The following MAPT variants were observed in gnomAD, a reference collection of about 807,000 sequenced individuals.
MAPT encodes the protein microtubule associated protein tau, also known as microtubule-associated protein tau.
Under a neutral mutation model 67.9 loss-of-function variants are expected in MAPT, and 34 were observed. That is an observed-to-expected ratio of 0.50 (90% CI 0.38 to 0.67). MAPT has a LOEUF of 0.67. Among genes scored for constraint, MAPT ranks in the 30% least tolerant of loss-of-function variants. The pLI is 0.00. For synonymous variants in MAPT, 456 were observed against 464.5 expected, an observed-to-expected ratio of 0.98 and a Z score of 0.23; for missense variants, 881 against 1,115.2, an observed-to-expected ratio of 0.79 and a Z score of 2.99.
chr17:46,015,432 A>G (rs1399159523), intron 11 of MAPT, among the ~76,000 whole-genome samples: 1 of 151,922 alleles, frequency 6.6e-6, no homozygotes, highest in African/African-American at 2.4e-5. Context: ...GGCCGAGGCG[A>G]GCGGATCACA....
At chr17:45,956,444 GA>G (rs2069662154) in intron 1 of MAPT, among the ~76,000 whole-genome samples, 1 of 151,760 alleles carries the variant, frequency 6.6e-6, no homozygotes, top group African/African-American at 2.4e-5. Flanking sequence ...CATGAATTTG[GA>G]ATATAGGCAA....
rs951075094 is a variant in MAPT, at chr17:45,925,435, A to G, written c.-18+30749A>G. On this transcript the variant is annotated intron_variant, in intron 1 of 12. Transcript: ENST00000262410. ...AGAGTAAAAGTTTGGACAAATTGCC[A>G]GGAAGCAGCTTGTCAGTATGCATAA... Among the ~76,000 whole-genome samples, 5 of 152,256 alleles carry G rather than the reference A, an allele frequency of 3.3e-5. No individual in the cohort carries two copies. In the East Asian group the frequency reaches 9.6e-4, roughly 29 times the overall value.
At chr17:45,932,986 G>A (rs1042229638) in intron 1 of MAPT, among the ~76,000 whole-genome samples, 2 of 152,078 alleles carry the variant, frequency 1.3e-5, no homozygotes, top group Non-Finnish European at 2.9e-5. Flanking sequence ...GGAGGGTGAG[G>A]CAGGAGAATC....
intron 12 of MAPT, 107 bp from the exon 13 acceptor site, chr17:46,023,849 A>G: frequency 1.1e-6 from 1 of 928,876 alleles, no homozygotes; most frequent in Non-Finnish European, 1.7e-6. Context: ...TCAAAAACAA[A>G]CAAAAAACAG....
intron 8 of MAPT, among the ~76,000 whole-genome samples, chr17:45,994,498 C>A (rs973075613): frequency 6.6e-6 from 1 of 152,016 alleles, no homozygotes; most frequent in Admixed American, 6.6e-5. Flanking sequence ...TGTCCTATTG[C>A]CACAGAGCGT....
At chr17:45,941,033 A>G (rs62061733) in intron 1 of MAPT, among the ~76,000 whole-genome samples, 25,383 of 152,070 alleles carry the variant, frequency 0.17, 2,485 homozygotes, top group Middle Eastern at 0.23. Context: ...GAGTTCCTCG[A>G]GTCAATTGCT....
rs1020363407 is a variant in MAPT at position 46,026,144 on chromosome 17, TA to T, written c.*1975del. ...CTTGAAATGCTTGTAAAGAGGTTTCTAACCCACCCTCACGAGGTGTCTCTCA... is the reference window on the plus strand; with the variant it reads ...CTTGAAATGCTTGTAAAGAGGTTTCTACCCACCCTCACGAGGTGTCTCTCA... On this transcript the variant is annotated 3_prime_UTR_variant, in exon 13 of 13. Coordinates refer to ENST00000262410, the MANE Select transcript of MAPT (RefSeq NM_001377265.1). The T allele has an allele frequency of 1.3e-5, 2 of 151,778 alleles. No homozygotes were observed. Among genetic ancestry groups the T allele is most frequent in the Non-Finnish European group, 2.9e-5 (2 of 67,876 alleles). 9.4% of individuals were successfully genotyped at this position (151,778 alleles called of 1,614,324 possible).
chr17:45,983,287 G>C lies in MAPT; in HGVS notation c.708G>C (p.Glu236Asp), dbSNP rs1330018268. 6.3e-7 allele frequency: 1 copy of C among 1,598,892 alleles called. No individual in the cohort carries two copies. The highest frequency in any genetic ancestry group is 1.3e-5 in the African/African-American group (1 of 74,676). ...SGMPGAPLLPEGPREATRQPS... is the reference protein window; with the variant it reads ...SGMPGAPLLPDGPREATRQPS... The stretch of plus-strand genomic sequence containing the variant: ...TGCCTGGGGCTCCCCTCCTGCCTGA[G>C]GGCCCCAGAGAGGCCACACGCCAAC... Residue 236 changes from glutamate to aspartate, a missense_variant, in exon 5 of 13, where the codon GAG (glutamate) becomes GAC (aspartate). By Grantham distance (45) the Glu-to-Asp change is conservative (BLOSUM62 2). This residue lies in a region of MAPT where 687 missense variants were observed against 766.1 expected (regional missense o/e 0.90). Coordinates refer to ENST00000262410, the MANE Select transcript of MAPT (RefSeq NM_001377265.1).
chr17:45,925,917 A>T (rs1377700282), intron 1 of MAPT, among the ~76,000 whole-genome samples: 1 of 152,206 alleles, frequency 6.6e-6, no homozygotes, highest in Non-Finnish European at 1.5e-5. Context: ...TTGGAGCTGA[A>T]AAGTGTTTTT....
intron 1 of MAPT, among the ~76,000 whole-genome samples, chr17:45,948,649 A>T (rs2068743973): frequency 6.6e-6 from 1 of 152,180 alleles, no homozygotes; most frequent in African/African-American, 2.4e-5. Context: ...TGGCTCCATT[A>T]CATACTTCCT....
chr17:45,915,843 C>T lies in MAPT; in HGVS notation c.-18+21157C>T, dbSNP rs1255222266. On this transcript the variant is annotated intron_variant, in intron 1 of 12. Coordinates refer to ENST00000262410, the MANE Select transcript of MAPT (RefSeq NM_001377265.1). This position sits in a 1 kb window ranked among gnomAD's most constrained non-coding sequence, Gnocchi z 4.4. ...GACATGTTCCCTGAGGTGAGGCTGA[C>T]TGATGTCATTTGACGATCTTGATGC... is the stretch of plus-strand genomic sequence containing the variant. Among the ~76,000 whole-genome samples the T allele has an allele frequency of 6.6e-6, 1 of 152,206 alleles. No homozygotes were observed. The highest frequency in any genetic ancestry group is 1.5e-5 in the Non-Finnish European group (1 of 68,040).
At chr17:46,011,852 T>C (rs1234273559) in intron 10 of MAPT, among the ~76,000 whole-genome samples, 2 of 152,212 alleles carry the variant, frequency 1.3e-5, no homozygotes, top group East Asian at 3.8e-4. Context: ...GGATCCCGGC[T>C]TCTGCCCTGA....
intron 1 of MAPT, chr17:45,907,623 C>G (rs943039033): frequency 3.9e-5 from 6 of 152,220 alleles, no homozygotes; most frequent in African/African-American, 1.4e-4. Context: ...TTCTCCACCT[C>G]CTAGCACTCA....
chr17:45,928,040 C>T (rs2066518618), intron 1 of MAPT, among the ~76,000 whole-genome samples: 1 of 143,448 alleles, frequency 7.0e-6, no homozygotes, highest in Admixed American at 7.0e-5. Context: ...ATCCTCAGCA[C>T]TTTGGCAACT....
chr17:45,989,789 T>G, intron 6 of MAPT, 89 bp from the exon 7 acceptor site: 1 of 1,214,318 alleles, frequency 8.2e-7, no homozygotes, highest in South Asian at 1.2e-5. Flanking sequence ...ACCTGCCTTA[T>G]TTATTTTTAG....
intron 1 of MAPT, among the ~76,000 whole-genome samples, chr17:45,927,559 C>T (rs911723519): frequency 7.2e-5 from 11 of 152,120 alleles, no homozygotes; most frequent in African/African-American, 1.7e-4. Context: ...GTCTCAGGAA[C>T]GGTGCTTAGC....
chr17:45,972,003 G>A, intron 3 of MAPT, 58 bp downstream of exon 3: 1 of 1,332,726 alleles, frequency 7.5e-7, no homozygotes, highest in Admixed American at 1.7e-5. Context: ...GCCGTGCTTT[G>A]AGCCTCCCTC....
rs372273010 is a variant in MAPT at position 46,004,652 on chromosome 17, A to G, written c.1999-5658A>G. 1.1e-4 allele frequency among the ~76,000 whole-genome samples: 17 copies of G among 152,198 alleles called. 1 individual carries two copies. In the East Asian group the frequency reaches 3.1e-3, roughly 28 times the overall value. On this transcript the variant is annotated intron_variant, in intron 9 of 12. Transcript: ENST00000262410. The stretch of plus-strand genomic sequence containing the variant: ...TAAACGGTGTTGACTTAATGTGACA[A>G]TTGGCAGTAGTTCAGGTCTGCTTTG...
intron 1 of MAPT, among the ~76,000 whole-genome samples, chr17:45,938,080 A>G (rs12150229): frequency 0.14 from 21,828 of 152,226 alleles, 2,134 homozygotes; most frequent in Middle Eastern, 0.22. Flanking sequence ...GTCCACATTA[A>G]TGAAATCAAC....
Sources: gnomAD v4.1 joint callset for allele counts (sites outside exome capture counted in the v4.1 genomes callset) on GRCh38, gnomAD v4.1.1 for gene constraint, gnomAD v4.1.1 regional missense constraint, Gnocchi (gnomAD v3.1) non-coding constraint, MANE v1.5 for transcripts, NCBI Gene and HGNC (gene_info 2026-07-23, HGNC 2026-07-21) for gene names.